The following TTC29 variants were observed in gnomAD, a reference collection of about 807,000 sequenced individuals.
TTC29 encodes the protein tetratricopeptide repeat protein 29.
In TTC29, 49 loss-of-function variants were observed where a neutral mutation model predicts 58.1. The ratio of observed to expected loss-of-function variants is 0.84; its 90% CI spans 0.67 to 1.07. The LOEUF is 1.07. TTC29 is among the 50% of genes least tolerant of loss of function. The pLI is 0.00. For synonymous variants in TTC29, 209 were observed against 196.8 expected (o/e 1.06, Z -0.52); for missense variants, 582 against 555.6 (o/e 1.05, Z -0.48).
At chr4:146,924,665 A>C in intron 4 of TTC29, among the ~76,000 whole-genome samples, 1 of 150,540 alleles carries the variant, frequency 6.6e-6, no homozygotes, top group East Asian at 1.9e-4. Flanking sequence ...TGGTTGATCA[A>C]TTTTTTTTCA....
chr4:146,826,491 T>C (rs563079825), intron 9 of TTC29, among the ~76,000 whole-genome samples: 1 of 152,334 alleles, frequency 6.6e-6, no homozygotes, highest in East Asian at 1.9e-4. Flanking sequence ...GTTAGTCTGA[T>C]GGGCTTCCCT....
intron 11 of TTC29, among the ~76,000 whole-genome samples, chr4:146,789,980 C>T (rs1234393112): frequency 6.6e-6 from 1 of 152,110 alleles, no homozygotes; most frequent in Non-Finnish European, 1.5e-5. Context: ...AACTTCAATT[C>T]TTACTTCTCT....
chr4:146,720,219 T>A (rs189369576), intron 11 of TTC29, among the ~76,000 whole-genome samples: 1 of 152,186 alleles, frequency 6.6e-6, no homozygotes, highest in Non-Finnish European at 1.5e-5. Flanking sequence ...AAGGATTTAG[T>A]AAGACTCTAA....
chr4:146,782,829 C>T (rs1261712880), intron 11 of TTC29, among the ~76,000 whole-genome samples: 1 of 151,850 alleles, frequency 6.6e-6, no homozygotes, highest in Non-Finnish European at 1.5e-5. Context: ...AGCCCAAAGG[C>T]AAGGAATATT....
chr4:146,785,200 T>C (rs528744628), intron 11 of TTC29, among the ~76,000 whole-genome samples: 28 of 151,678 alleles, frequency 1.8e-4, no homozygotes, highest in Non-Finnish European at 2.9e-4. Flanking sequence ...CTGCCTTTTT[T>C]TTTTTTTTTG....
At chr4:146,914,630 G>T (rs1483337959) in intron 4 of TTC29, among the ~76,000 whole-genome samples, 4 of 152,142 alleles carry the variant, frequency 2.6e-5, no homozygotes, top group Non-Finnish European at 5.9e-5. Context: ...AATGTATCCT[G>T]AGGAAGATCT....
intron 4 of TTC29, among the ~76,000 whole-genome samples, chr4:146,925,564 T>C (rs1489580463): frequency 6.6e-6 from 1 of 152,184 alleles, no homozygotes; most frequent in African/African-American, 2.4e-5. Flanking sequence ...TGTGTGGCCA[T>C]TTCAAATATA....
chr4:146,780,700 A>G (rs1748528624), intron 11 of TTC29, among the ~76,000 whole-genome samples: 1 of 150,972 alleles, frequency 6.6e-6, no homozygotes, highest in Admixed American at 6.6e-5. Flanking sequence ...ACACACACAC[A>G]TATATATAAT....
At chr4:146,926,111 A>G (rs1370550363) in intron 4 of TTC29, among the ~76,000 whole-genome samples, 1 of 152,236 alleles carries the variant, frequency 6.6e-6, no homozygotes, top group Non-Finnish European at 1.5e-5. Flanking sequence ...CTTGTTTGAA[A>G]GAAAACTTAA....
At chr4:146,745,683 C>A (rs115584293) in intron 11 of TTC29, among the ~76,000 whole-genome samples, 2 of 152,204 alleles carry the variant, frequency 1.3e-5, no homozygotes, top group Admixed American at 6.5e-5. Context: ...CTGATACACA[C>A]TAATGTGCTC....
intron 8 of TTC29, among the ~76,000 whole-genome samples, chr4:146,855,162 G>A (rs530741815): frequency 1.3e-4 from 20 of 152,256 alleles, no homozygotes; most frequent in African/African-American, 4.6e-4. Context: ...GGGCATGGTG[G>A]CTCATGCCTA....
At chr4:146,836,538 A>G (rs1728521582) in intron 8 of TTC29, among the ~76,000 whole-genome samples, 1 of 152,116 alleles carries the variant, frequency 6.6e-6, no homozygotes, top group Non-Finnish European at 1.5e-5. Context: ...TGAATTGTGT[A>G]GTTCAAACTA....
intron 7 of TTC29, among the ~76,000 whole-genome samples, chr4:146,873,198 A>G (rs934131390): frequency 2.0e-5 from 3 of 152,132 alleles, no homozygotes; most frequent in African/African-American, 7.2e-5. Flanking sequence ...TCAGGTAATC[A>G]TCAGCTTGCT....
At chr4:146,927,729 G>T (rs1306233423) in intron 4 of TTC29, among the ~76,000 whole-genome samples, 2 of 152,110 alleles carry the variant, frequency 1.3e-5, no homozygotes, top group African/African-American at 4.8e-5. Context: ...GTGTTTCAAA[G>T]GAGGCCTCAC....
At chr4:146,736,557 G>A (rs1176311022) in intron 11 of TTC29, among the ~76,000 whole-genome samples, 1 of 152,188 alleles carries the variant, frequency 6.6e-6, no homozygotes, top group African/African-American at 2.4e-5. Flanking sequence ...AAGCCAGAGT[G>A]CTGGCAGGGA....
intron 2 of TTC29, chr4:146,942,455 G>C: frequency 2.1e-6 from 1 of 477,158 alleles, no homozygotes; most frequent in Non-Finnish European, 3.7e-6. Flanking sequence ...ATATTAAACA[G>C]TTGAGTTACT....
At chr4:146,743,245 T>A (rs1196180238) in intron 11 of TTC29, among the ~76,000 whole-genome samples, 1 of 152,214 alleles carries the variant, frequency 6.6e-6, no homozygotes, top group African/African-American at 2.4e-5. Context: ...ATTAATTTCA[T>A]GAAGACAGAT....
At position 146,833,914 on chromosome 4, in the gene TTC29, T is replaced by C; in HGVS notation, c.886-17A>G. ...GTCAAGGACCTATCAGGAAGAGAAA[T>C]ACATATTGAACATATAGCACAGCCA... On this transcript the variant is annotated splice_polypyrimidine_tract_variant and intron_variant, in intron 8 of 12. Coordinates refer to ENST00000325106, the MANE Select transcript of TTC29 (RefSeq NM_031956.4). 1 of 1,572,758 alleles carries C rather than the reference T, an allele frequency of 6.4e-7. No homozygotes were observed. Among genetic ancestry groups the C allele is most frequent in the Middle Eastern group, 1.7e-4 (1 of 5,954 alleles).
At chr4:146,933,530 A>G (rs1268025840) in intron 4 of TTC29, among the ~76,000 whole-genome samples, 1 of 152,234 alleles carries the variant, frequency 6.6e-6, no homozygotes, top group Non-Finnish European at 1.5e-5. Flanking sequence ...TCCGAAGTAC[A>G]GAAGTACAGA....
Sources: allele counts gnomAD v4.1 joint callset (sites outside exome capture counted in the v4.1 genomes callset), GRCh38; gene constraint gnomAD v4.1.1; transcripts MANE v1.5; gene names NCBI Gene and HGNC (gene_info 2026-07-23, HGNC 2026-07-21).